BEX4: variants seen among roughly 807,000 people sequenced by gnomAD.
BEX4 encodes brain expressed X-linked 4, also known as protein BEX4.
For synonymous variants in BEX4, 37 were observed against 33.5 expected (o/e 1.11, Z -0.36); for missense variants, 110 against 96.5 (o/e 1.14, Z -0.59).
At position 103,215,219 on chromosome X, in the gene BEX4, A is replaced by T; in HGVS notation, c.-108A>T. The T allele has an allele frequency of 1.3e-6, 1 of 754,940 alleles. No homozygotes were observed. Among genetic ancestry groups the T allele is most frequent in the Non-Finnish European group, 1.6e-6 (1 of 639,899 alleles). The allele number at this position is 754,940 out of a possible 1,213,427, so 62.2% of individuals were successfully genotyped here. A position where few individuals can be genotyped will look rare whatever the true frequency, so the allele number is the denominator to read the frequency against. Reference sequence around the variant, plus strand: ...GTGGGCCAGGGGCGGCCCCGAAATTAGGAAGCGGAGGGGGAGCAGGTAAGG... The same window carrying T: ...GTGGGCCAGGGGCGGCCCCGAAATTTGGAAGCGGAGGGGGAGCAGGTAAGG... On this transcript the variant is annotated 5_prime_UTR_variant, in exon 1 of 3. Coordinates refer to ENST00000372695, the MANE Select transcript of BEX4 (RefSeq NM_001080425.4).
At chrX:103,215,930 G>A (rs1351109020) in intron 2 of BEX4, among the ~76,000 whole-genome samples, 166 bp downstream of exon 2, 2 of 111,273 alleles carry the variant, frequency 1.8e-5, no homozygotes, top group Admixed American at 9.4e-5. Context: ...GCCTGGAGAT[G>A]GATCTACAGG....
chrX:103,216,481 C>G lies in BEX4; in HGVS notation c.328C>G (p.Pro110Ala), dbSNP rs773143358. 1 of 1,210,119 alleles carries G rather than the reference C, an allele frequency of 8.3e-7. No individual in the cohort carries two copies. Among genetic ancestry groups the G allele is most frequent in the African/African-American group, 1.7e-5 (1 of 57,722 alleles). Residue 110 changes from proline (P) to alanine (A), a missense_variant, in exon 3 of 3, where the codon CCT (proline) becomes GCT (alanine). Pro to Ala is a conservative substitution (Grantham distance 27). Coordinates refer to ENST00000372695, the MANE Select transcript of BEX4 (RefSeq NM_001080425.4). ...RHYMRFQTPE[P>A]DNHYDFCLIP The stretch of plus-strand genomic sequence containing the variant: ...CTATATGCGCTTCCAAACTCCTGAA[C>G]CTGACAACCATTATGACTTTTGCCT...
chrX:103,215,871 C>T, intron 2 of BEX4, 107 bp downstream of exon 2: 1 of 583,567 alleles, frequency 1.7e-6, no homozygotes, highest in Non-Finnish European at 2.2e-6. Context: ...CCATGCAACC[C>T]TCCCCTTCCC....
Position 103,216,381 on chromosome X carries a change from G to A in BEX4, c.228G>A (p.Ala76=), listed in dbSNP as rs1034970830. Residue 76 remains alanine (A), a synonymous_variant, in exon 3 of 3, where the codon GCG becomes GCA. Transcript: ENST00000372695. ...ATAGGCATATTGAGCACAATGAAGC[G>A]AGAGATGATGTAGAAAGGTTTGTAG... ...IPNRHIEHNE[A]RDDVERFVGQ... 8 of 1,211,621 alleles carry A rather than the reference G, an allele frequency of 6.6e-6. No individual in the cohort carries two copies. The highest frequency in any genetic ancestry group is 7.8e-6 in the Non-Finnish European group (7 of 895,483).
chrX:103,215,973 C>G (rs1391513229), intron 2 of BEX4, among the ~76,000 whole-genome samples, 176 bp from the exon 3 acceptor site: 1 of 110,886 alleles, frequency 9.0e-6, no homozygotes, highest in Non-Finnish European at 1.9e-5. Flanking sequence ...GGGAGGGGCT[C>G]GGATTGAGGG....
At chrX:103,215,301 C>A (rs1602940421) in intron 1 of BEX4, 63 bp downstream of exon 1, 1 of 698,882 alleles carries the variant, frequency 1.4e-6, no homozygotes, top group East Asian at 1.4e-4. Flanking sequence ...CCTGCGGATG[C>A]CCACCCCGGG....
chrX:103,216,596 C>A lies in BEX4; in HGVS notation c.*80C>A. The A allele has an allele frequency of 9.8e-7, 1 of 1,024,251 alleles. No homozygotes were observed. Among genetic ancestry groups the A allele is most frequent in the South Asian group, 2.5e-5 (1 of 39,226 alleles). 84.4% of individuals were successfully genotyped at this position (1,024,251 alleles called of 1,213,427 possible). ...TTTGTGATTTACTTTTTCTGTAAGC[C>A]TTTTGGGGTTTACACTTACCAGTTT... On this transcript the variant is annotated 3_prime_UTR_variant, in exon 3 of 3. Transcript: ENST00000372695.
chrX:103,215,995 G>A (rs979538284), intron 2 of BEX4, among the ~76,000 whole-genome samples, 154 bp from the exon 3 acceptor site: 52 of 111,202 alleles, frequency 4.7e-4, no homozygotes, highest in African/African-American at 1.6e-3. Context: ...ACCCCACAGG[G>A]CATACTGGCT....
In BEX4 at chrX:103,216,694, A is replaced by G; in HGVS notation, c.*178A>G. ...AAAGTTACGGTCAGCATGGCAATTC[A>G]CCTATTTTAGGAAAAATACTCTTTT... On this transcript the variant is annotated 3_prime_UTR_variant, in exon 3 of 3. Coordinates refer to ENST00000372695, the MANE Select transcript of BEX4 (RefSeq NM_001080425.4). 1.0e-5 allele frequency: 5 copies of G among 488,697 alleles called. No individual in the cohort carries two copies. In the Middle Eastern group the frequency reaches 1.7e-3, roughly 169 times the overall value. 40.3% of individuals were successfully genotyped at this position (488,697 alleles called of 1,213,427 possible).
Position 103,216,416 on chromosome X carries a change from T to G in BEX4, c.263T>G (p.Met88Arg), listed in dbSNP as rs1359890152. The change falls in exon 3 of 3, where the codon ATG (methionine) becomes AGG (arginine). Residue 88 changes from methionine to arginine, a missense_variant. By Grantham distance (91) the Met-to-Arg change is moderately conservative. Coordinates refer to ENST00000372695, the MANE Select transcript of BEX4 (RefSeq NM_001080425.4). ...GTAGAAAGGTTTGTAGGGCAGATGA[T>G]GGAAATCAAGAGAAAGACTAGGGAA... ...DDVERFVGQMMEIKRKTREQQ... is the reference protein window; with the variant it reads ...DDVERFVGQMREIKRKTREQQ... 1.7e-6 allele frequency: 2 copies of G among 1,211,655 alleles called. No individual in the cohort carries two copies. Among genetic ancestry groups the G allele is most frequent in the Non-Finnish European group, 2.2e-6 (2 of 895,465 alleles).
In BEX4 at chrX:103,215,252, C is replaced by CG. The variant is rs988824579; in HGVS notation, c.-89+20dup. 3.1e-4 allele frequency: 234 copies of CG among 752,396 alleles called. 1 individual carries two copies. The Admixed American group carries it at 0.015, about 47-fold the overall frequency. The allele number at this position is 752,396 out of a possible 1,213,427, so 62.0% of individuals were successfully genotyped here. A position where few individuals can be genotyped will look rare whatever the true frequency, so the allele number is the denominator to read the frequency against. On this transcript the variant is annotated intron_variant, in intron 1 of 2. Coordinates refer to ENST00000372695, the MANE Select transcript of BEX4 (RefSeq NM_001080425.4). Reference sequence around the variant, plus strand: ...GAGGGGGAGCAGGTAAGGAACCCGGCGGGGGGTCCCTGGGGTTGGTGTGAG... The same window carrying CG: ...GAGGGGGAGCAGGTAAGGAACCCGGCGGGGGGGTCCCTGGGGTTGGTGTGAG...
rs199736694 is a variant in BEX4, at chrX:103,216,393, A to G, written c.240A>G (p.Val80=). The G allele has an allele frequency of 1.7e-5, 21 of 1,210,153 alleles. No homozygotes were observed. Among genetic ancestry groups the G allele is most frequent in the African/African-American group, 3.5e-5 (2 of 57,188 alleles). ...AGCACAATGAAGCGAGAGATGATGT[A>G]GAAAGGTTTGTAGGGCAGATGATGG... ...HIEHNEARDD[V]ERFVGQMMEI... The change falls in exon 3 of 3, where the codon GTA becomes GTG. Residue 80 remains valine (V), a synonymous_variant. Transcript: ENST00000372695.
At position 103,216,429 on chromosome X, in the gene BEX4, A is replaced by G. The variant is rs767019087; in HGVS notation, c.276A>G (p.Arg92=). ...TAGGGCAGATGATGGAAATCAAGAG[A>G]AAGACTAGGGAACAGCAGATGAGGC... ...RFVGQMMEIK[R]KTREQQMRHY... Residue 92 remains arginine, a synonymous_variant, in exon 3 of 3, where the codon AGA becomes AGG. Coordinates refer to ENST00000372695, the MANE Select transcript of BEX4 (RefSeq NM_001080425.4). 8.3e-7 allele frequency: 1 copy of G among 1,211,718 alleles called. No homozygotes were observed. The highest frequency in any genetic ancestry group is 2.2e-5 in the Admixed American group (1 of 46,072).
Position 103,216,254 on chromosome X carries a change from A to G in BEX4, c.101A>G (p.Glu34Gly). The G allele has an allele frequency of 2.5e-6, 3 of 1,195,797 alleles. No homozygotes were observed. The highest frequency in any genetic ancestry group is 3.4e-6 in the Non-Finnish European group (3 of 887,040). Residue 34 changes from glutamate to glycine, a missense_variant, in exon 3 of 3, where the codon GAA (glutamate) becomes GGA (glycine). Physicochemically the swap from Glu to Gly is moderately conservative, Grantham distance 98 (BLOSUM62 -2). Transcript: ENST00000372695. ...GEQAPTQNEE[E>G]SRHLGGGEGQ... ...CAGGCCCCCACGCAGAATGAAGAAGAATCCCGCCATTTGGGAGGGGGTGAA... is the reference window on the plus strand; with the variant it reads ...CAGGCCCCCACGCAGAATGAAGAAGGATCCCGCCATTTGGGAGGGGGTGAA...
chrX:103,216,083 G>C, intron 2 of BEX4, 66 bp from the exon 3 acceptor site: 1 of 1,068,737 alleles, frequency 9.4e-7, no homozygotes, highest in East Asian at 3.2e-5. Flanking sequence ...GCCTAGTAGG[G>C]CCTCTGTCCT....
chrX:103,215,455 C>T (rs1924549599), intron 1 of BEX4, among the ~76,000 whole-genome samples: 2 of 112,382 alleles, frequency 1.8e-5, no homozygotes, highest in Admixed American at 9.3e-5. Flanking sequence ...CACCTGCCTA[C>T]GCCATCAGCG....
intron 1 of BEX4, 119 bp from the exon 2 acceptor site, chrX:103,215,563 G>GGAGGGC (rs1569299341): frequency 1.9e-6 from 1 of 522,372 alleles, no homozygotes. Flanking sequence ...AGGGTGGCGA[G>GGAGGGC]GAGGGCCAGG....
At position 103,215,714 on chromosome X, in the gene BEX4, G is replaced by C. The variant is rs901862405; in HGVS notation, c.-56G>C. 5.4e-6 allele frequency: 5 copies of C among 922,941 alleles called. No individual in the cohort carries two copies. Among genetic ancestry groups the C allele is most frequent in the Non-Finnish European group, 6.8e-6 (5 of 736,246 alleles). 76.1% of individuals were successfully genotyped at this position (922,941 alleles called of 1,213,427 possible). A position where few individuals can be genotyped will look rare whatever the true frequency, so the allele number is the denominator to read the frequency against. On this transcript the variant is annotated 5_prime_UTR_variant, in exon 2 of 3. Coordinates refer to ENST00000372695, the MANE Select transcript of BEX4 (RefSeq NM_001080425.4). The stretch of plus-strand genomic sequence containing the variant: ...GTCTGCGGGGCTAAGTGTCGCGGCG[G>C]CGCACCTCGCGTCAAGAATCCGGAG...
chrX:103,216,521 T>C lies in BEX4; in HGVS notation c.*5T>C. The C allele has an allele frequency of 2.5e-6, 3 of 1,196,021 alleles. No homozygotes were observed. Among genetic ancestry groups the C allele is most frequent in the Non-Finnish European group, 3.4e-6 (3 of 888,219 alleles). On this transcript the variant is annotated 3_prime_UTR_variant, in exon 3 of 3. Transcript: ENST00000372695. ...GACTTTTGCCTCATACCTTGAATCC[T>C]AAAAGTTTTCGCTGAGGTTAATGTG...
Sources: allele counts gnomAD v4.1 joint callset (sites outside exome capture counted in the v4.1 genomes callset), GRCh38; gene constraint gnomAD v4.1.1; transcripts MANE v1.5; gene names NCBI Gene and HGNC (gene_info 2026-07-23, HGNC 2026-07-21).